The following IQCM variants were observed in gnomAD, a reference collection of about 807,000 sequenced individuals.
The protein encoded by IQCM is IQ domain-containing protein M.
A neutral mutation model predicts 57.6 loss-of-function variants in IQCM; 45 were observed. The observed-to-expected ratio is 0.78, with a 90% CI of 0.62 to 1.00. IQCM has a LOEUF of 1.00. IQCM is among the 50% of genes least tolerant of loss of function. The pLI is 0.00. For synonymous variants in IQCM, 148 were observed against 158.9 expected (o/e 0.93, Z 0.51); for missense variants, 468 against 511.6 (o/e 0.91, Z 0.82).
At chr4:149,617,204 C>T (rs1435917791) in intron 8 of IQCM, among the ~76,000 whole-genome samples, 1 of 152,128 alleles carries the variant, frequency 6.6e-6, no homozygotes, top group Non-Finnish European at 1.5e-5. Context: ...ATCCACCTGC[C>T]TCAGCCTCCC....
chr4:149,702,332 C>CACACA (rs1763837859), intron 5 of IQCM, among the ~76,000 whole-genome samples: 1 of 133,754 alleles, frequency 7.5e-6, no homozygotes, highest in Non-Finnish European at 1.6e-5. Context: ...ACACACACAC[C>CACACA]CATAGCACAT....
chr4:149,382,304 A>G (rs142136836), intron 13 of IQCM, among the ~76,000 whole-genome samples: 62 of 152,250 alleles, frequency 4.1e-4, no homozygotes, highest in African/African-American at 1.4e-3. Flanking sequence ...GCTGAATTAT[A>G]CAAACTATTT....
chr4:149,756,553 AC>A (rs1422923985), intron 2 of IQCM, among the ~76,000 whole-genome samples: 1 of 152,166 alleles, frequency 6.6e-6, no homozygotes, highest in African/African-American at 2.4e-5. Context: ...AAGAAAATGA[AC>A]CCAAAAGAAT....
intron 5 of IQCM, among the ~76,000 whole-genome samples, chr4:149,725,767 G>A (rs1765836240): frequency 6.6e-6 from 1 of 151,998 alleles, no homozygotes; most frequent in South Asian, 2.1e-4. Context: ...TCTTACTGCT[G>A]ACCTCAATCT....
chr4:149,581,909 C>G (rs952889909), intron 9 of IQCM, among the ~76,000 whole-genome samples: 3 of 151,184 alleles, frequency 2.0e-5, no homozygotes, highest in Non-Finnish European at 4.4e-5. Flanking sequence ...CAGAATATTT[C>G]TGTGTGTGTG....
chr4:149,498,889 GT>G (rs1217405648), intron 12 of IQCM, among the ~76,000 whole-genome samples: 1 of 152,084 alleles, frequency 6.6e-6, no homozygotes, highest in Non-Finnish European at 1.5e-5. Context: ...TATAATTGAA[GT>G]TTTGCACTGG....
chr4:149,358,844 C>CAGTATATCATGATATACTCTCATT (rs1729214231), intron 13 of IQCM, among the ~76,000 whole-genome samples: 1 of 108,028 alleles, frequency 9.3e-6, no homozygotes, highest in East Asian at 2.5e-4. Context: ...GCACAGTGGA[C>CAGTATATCATGATATACTCTCATT]AGTATATCAT....
chr4:149,724,319 C>G (rs71618328), intron 5 of IQCM, among the ~76,000 whole-genome samples: 2,570 of 152,128 alleles, frequency 0.017, 39 homozygotes, highest in Middle Eastern at 0.054. Flanking sequence ...AAAATCACAG[C>G]ACAAAGTCAT....
intron 7 of IQCM, among the ~76,000 whole-genome samples, chr4:149,662,158 C>A (rs768435964): frequency 7.8e-4 from 118 of 152,078 alleles, no homozygotes; most frequent in Middle Eastern, 3.4e-3. Context: ...TTGTTTGTCA[C>A]AAGGTATTTT....
intron 8 of IQCM, among the ~76,000 whole-genome samples, chr4:149,619,661 A>G (rs999494057): frequency 1.3e-5 from 2 of 152,184 alleles, no homozygotes; most frequent in African/African-American, 4.8e-5. Context: ...CAGGTAGATA[A>G]AAGAATTTGG....
intron 9 of IQCM, among the ~76,000 whole-genome samples, chr4:149,570,876 G>C (rs1392345356): frequency 6.6e-6 from 1 of 151,952 alleles, no homozygotes; most frequent in Non-Finnish European, 1.5e-5. Flanking sequence ...CATACAAATT[G>C]CCAAAACATA....
chr4:149,362,727 ATGT>A (rs1391557129), intron 13 of IQCM, among the ~76,000 whole-genome samples: 2 of 152,158 alleles, frequency 1.3e-5, no homozygotes, highest in Non-Finnish European at 2.9e-5. Flanking sequence ...AATACAACTA[ATGT>A]TGTTATATTT....
intron 7 of IQCM, among the ~76,000 whole-genome samples, chr4:149,670,837 A>G (rs571526719): frequency 1.3e-5 from 2 of 152,076 alleles, no homozygotes; most frequent in Admixed American, 1.3e-4. Context: ...CAATTCTATC[A>G]TGGTGGATAA....
chr4:149,531,556 T>G (rs897654948), intron 12 of IQCM, among the ~76,000 whole-genome samples: 1 of 152,096 alleles, frequency 6.6e-6, no homozygotes, highest in African/African-American at 2.4e-5. Flanking sequence ...TTTTAAAATG[T>G]GTGAATCCTG....
chr4:149,776,568 G>A (rs1004988194), intron 2 of IQCM, among the ~76,000 whole-genome samples: 3 of 152,082 alleles, frequency 2.0e-5, no homozygotes, highest in Non-Finnish European at 4.4e-5. Flanking sequence ...TAAAGATATA[G>A]GGAGAAAACA....
intron 7 of IQCM, among the ~76,000 whole-genome samples, chr4:149,681,128 C>T (rs892987228): frequency 5.3e-5 from 8 of 151,254 alleles, no homozygotes; most frequent in African/African-American, 1.7e-4. Flanking sequence ...AGCTATAGAA[C>T]ACAGCTTTCA....
At chr4:149,477,972 C>T (rs922413727) in intron 12 of IQCM, among the ~76,000 whole-genome samples, 9 of 152,120 alleles carry the variant, frequency 5.9e-5, no homozygotes, top group Admixed American at 3.9e-4. Flanking sequence ...TGACACTGGG[C>T]AAATTTCTTA....
intron 12 of IQCM, among the ~76,000 whole-genome samples, chr4:149,515,840 G>T (rs1158991789): frequency 6.6e-6 from 1 of 152,178 alleles, no homozygotes; most frequent in East Asian, 1.9e-4. Flanking sequence ...TGGGGAAAAG[G>T]TATGTGGATG....
intron 2 of IQCM, among the ~76,000 whole-genome samples, chr4:149,751,755 G>A (rs750809133): frequency 2.6e-5 from 4 of 152,038 alleles, no homozygotes; most frequent in Non-Finnish European, 4.4e-5. Context: ...AAATTTGAGA[G>A]TAGTTTAAAC....
Sources: allele counts gnomAD v4.1 joint callset (sites outside exome capture counted in the v4.1 genomes callset), GRCh38; gene constraint gnomAD v4.1.1; transcripts MANE v1.5; gene names NCBI Gene and HGNC (gene_info 2026-07-23, HGNC 2026-07-21).